The following XNDC1N variants were observed in gnomAD, a reference collection of about 807,000 sequenced individuals.
XNDC1N encodes XRCC1 N-terminal domain containing 1, N-terminal like.
At chr11:71,909,135 C>G in the XNDC1N span, among the ~76,000 whole-genome samples, 1,413 of 152,146 alleles carry the variant, frequency 9.3e-3, 11 homozygotes, top group Middle Eastern at 0.014. Flanking sequence ...CCGTCAAAGC[C>G]CAGAAGACAT....
chr11:71,919,581 G>C, the XNDC1N span, among the ~76,000 whole-genome samples: 1 of 147,558 alleles, frequency 6.8e-6, no homozygotes, highest in African/African-American at 2.5e-5. Flanking sequence ...GTAGAGACGG[G>C]GTTTCCCCAT....
the XNDC1N span, chr11:71,916,875 T>C: frequency 6.4e-6 from 1 of 156,168 alleles, no homozygotes; most frequent in African/African-American, 2.4e-5. Context: ...TTTTCTGTAG[T>C]GCCTAGTGAA....
chr11:71,871,392 A>C, the XNDC1N span, among the ~76,000 whole-genome samples: 2 of 152,198 alleles, frequency 1.3e-5, no homozygotes, highest in African/African-American at 4.8e-5. Context: ...AGGGATAAGG[A>C]TATCATGGTC....
the XNDC1N span, among the ~76,000 whole-genome samples, chr11:71,888,798 C>T: frequency 3.3e-5 from 5 of 152,356 alleles, 1 homozygote; most frequent in African/African-American, 9.6e-5. Flanking sequence ...GCCACACTCA[C>T]CGACTACCAG....
At chr11:71,873,474 G>A in the XNDC1N span, among the ~76,000 whole-genome samples, 34 of 152,312 alleles carry the variant, frequency 2.2e-4, no homozygotes, top group African/African-American at 8.2e-4. Context: ...CAGGGAGCAT[G>A]CCCTTTTCGA....
At chr11:71,879,674 A>C in the XNDC1N span, among the ~76,000 whole-genome samples, 156 of 152,256 alleles carry the variant, frequency 1.0e-3, 2 homozygotes, top group South Asian at 0.03. Flanking sequence ...GTGGTTATCA[A>C]GTGTATTCTT....
chr11:71,928,128 T>C, the XNDC1N span: 1 of 298,548 alleles, frequency 3.3e-6, no homozygotes, highest in Non-Finnish European at 6.3e-6. Flanking sequence ...GGCCGCAGGA[T>C]GTGGGTTAGA....
At chr11:71,875,021 G>A in the XNDC1N span, among the ~76,000 whole-genome samples, 1 of 152,148 alleles carries the variant, frequency 6.6e-6, no homozygotes, top group Non-Finnish European at 1.5e-5. Context: ...AGGAGACCTA[G>A]CCAGAAATTG....
the XNDC1N span, among the ~76,000 whole-genome samples, chr11:71,867,521 T>C: frequency 1.3e-5 from 2 of 152,234 alleles, no homozygotes; most frequent in African/African-American, 4.8e-5. Flanking sequence ...TTACATGTGG[T>C]TCCAGATGCA....
the XNDC1N span, among the ~76,000 whole-genome samples, chr11:71,876,792 T>G: frequency 1.8e-3 from 273 of 152,330 alleles, 1 homozygote; most frequent in African/African-American, 2.9e-3. Flanking sequence ...AAGAAAGAAA[T>G]AATTCTCAGA....
chr11:71,916,182 C>T, the XNDC1N span: 2 of 702,734 alleles, frequency 2.8e-6, no homozygotes, highest in Admixed American at 2.0e-5. Context: ...ACTGATGACG[C>T]GTGAAGGGTC....
At chr11:71,917,063 G>T in the XNDC1N span, 73 of 223,164 alleles carry the variant, frequency 3.3e-4, no homozygotes, top group South Asian at 6.3e-3. Flanking sequence ...ACCCAGGCTG[G>T]AGTGCAATGG....
At chr11:71,891,169 C>A in the XNDC1N span, among the ~76,000 whole-genome samples, 2 of 151,976 alleles carry the variant, frequency 1.3e-5, no homozygotes, top group Non-Finnish European at 2.9e-5. Context: ...TGATATCATA[C>A]TCTTTCACTC....
chr11:71,874,590 G>A, the XNDC1N span, among the ~76,000 whole-genome samples: 1 of 152,172 alleles, frequency 6.6e-6, no homozygotes. Flanking sequence ...TAGATGTCAA[G>A]TAAATAGTTG....
the XNDC1N span, among the ~76,000 whole-genome samples, chr11:71,913,665 T>TAAAAAAAAAAAAAA: frequency 3.3e-4 from 35 of 105,322 alleles, no homozygotes; most frequent in South Asian, 6.0e-4. Flanking sequence ...TCTCAAAAGA[T>TAAAAAAAAAAAAAA]AAAAAAAAAA....
the XNDC1N span, among the ~76,000 whole-genome samples, chr11:71,910,204 C>T: frequency 2.6e-5 from 4 of 152,210 alleles, no homozygotes; most frequent in South Asian, 2.1e-4. Flanking sequence ...GACTACCAGC[C>T]GGTTCAGGAT....
At chr11:71,926,283 C>T in the XNDC1N span, among the ~76,000 whole-genome samples, 1 of 151,952 alleles carries the variant, frequency 6.6e-6, no homozygotes, top group Non-Finnish European at 1.5e-5. Context: ...TAAATAAATA[C>T]ATAAATAAAT....
chr11:71,887,044 G>A, the XNDC1N span, among the ~76,000 whole-genome samples: 1 of 152,204 alleles, frequency 6.6e-6, no homozygotes, highest in African/African-American at 2.4e-5. Context: ...CAAGGAGGAA[G>A]GGGCCCTGCT....
At chr11:71,911,248 G>C in the XNDC1N span, among the ~76,000 whole-genome samples, 54 of 152,376 alleles carry the variant, frequency 3.5e-4, 1 homozygote, top group African/African-American at 1.0e-3. Flanking sequence ...ACGAATGCCA[G>C]ACTCACCAAG....
Sources: gnomAD v4.1 joint callset for allele counts (sites outside exome capture counted in the v4.1 genomes callset) on GRCh38, gnomAD v4.1.1 for gene constraint, MANE v1.5 for transcripts, NCBI Gene and HGNC (gene_info 2026-07-23, HGNC 2026-07-21) for gene names.